The following BBS9 variants were observed in gnomAD, a reference collection of about 807,000 sequenced individuals.
BBS9 encodes the protein protein PTHB1.
In BBS9, 89 loss-of-function variants were observed where a neutral mutation model predicts 117.7. The observed-to-expected ratio is 0.76, with a 90% CI of 0.64 to 0.90. BBS9 has a LOEUF of 0.90. BBS9 is among the 40% of genes least tolerant of loss of function. The probability of loss-of-function intolerance (pLI) is 0.00; values close to 1 mark genes in which losing one functional copy is unlikely to be tolerated. For synonymous variants in BBS9, 379 were observed against 370.9 expected, an observed-to-expected ratio of 1.02 and a Z score of -0.25; for missense variants, 982 against 1,042.2, an observed-to-expected ratio of 0.94 and a Z score of 0.80.
intron 21 of BBS9, among the ~76,000 whole-genome samples, chr7:33,566,960 T>C (rs1433534743): frequency 1.3e-5 from 2 of 152,180 alleles, no homozygotes; most frequent in Non-Finnish European, 2.9e-5. Context: ...TTTCCCCAGG[T>C]TGTAAGTTTC....
At chr7:33,383,971 T>C (rs990616716) in intron 18 of BBS9, 133 bp downstream of exon 18, 3 of 960,314 alleles carry the variant, frequency 3.1e-6, no homozygotes, top group Non-Finnish European at 4.6e-6. Context: ...GGATGGTGGA[T>C]TTCGTGAATC....
intron 20 of BBS9, among the ~76,000 whole-genome samples, chr7:33,531,935 C>A (rs576635317): frequency 9.9e-5 from 15 of 152,266 alleles, no homozygotes; most frequent in African/African-American, 3.6e-4. Flanking sequence ...ACTTTAAGGC[C>A]CTGGTTTTAT....
At chr7:33,345,440 T>A (rs1346580208) in intron 12 of BBS9, among the ~76,000 whole-genome samples, 4 of 152,216 alleles carry the variant, frequency 2.6e-5, no homozygotes, top group African/African-American at 9.6e-5. Flanking sequence ...TATGGGTTGC[T>A]CTCCTTGGAG....
intron 21 of BBS9, among the ~76,000 whole-genome samples, chr7:33,604,229 A>G (rs1006050252): frequency 3.9e-5 from 6 of 152,202 alleles, no homozygotes; most frequent in Non-Finnish European, 7.3e-5. Flanking sequence ...TGGTGGATAA[A>G]GTCAAATGAG....
intron 17 of BBS9, among the ~76,000 whole-genome samples, chr7:33,375,856 G>A (rs1272838605): frequency 6.6e-6 from 1 of 151,710 alleles, no homozygotes; most frequent in Non-Finnish European, 1.5e-5. Context: ...CAAAGTGCTG[G>A]GATTACAGGT....
chr7:33,429,029 G>C (rs1834044626), intron 19 of BBS9, among the ~76,000 whole-genome samples: 1 of 152,136 alleles, frequency 6.6e-6, no homozygotes, highest in Admixed American at 6.5e-5. Flanking sequence ...TAAAGACTAG[G>C]TAAAGTCCTA....
intron 21 of BBS9, among the ~76,000 whole-genome samples, chr7:33,593,874 A>G (rs996141880): frequency 1.3e-5 from 2 of 152,174 alleles, no homozygotes; most frequent in African/African-American, 4.8e-5. Flanking sequence ...TTTTGTAAAT[A>G]GAACTCTTTT....
intron 5 of BBS9, among the ~76,000 whole-genome samples, chr7:33,231,495 G>A: frequency 7.4e-6 from 1 of 135,292 alleles, no homozygotes; most frequent in Non-Finnish European, 1.6e-5. Flanking sequence ...ATAATTTTAA[G>A]TCAGAGAGTG....
intron 19 of BBS9, among the ~76,000 whole-genome samples, chr7:33,410,350 C>G (rs951297207): frequency 6.6e-6 from 1 of 152,182 alleles, no homozygotes; most frequent in African/African-American, 2.4e-5. Context: ...TTAGCCTCAT[C>G]AGAACACTGT....
chr7:33,531,178 GA>G (rs1850523042), intron 20 of BBS9, among the ~76,000 whole-genome samples: 1 of 152,194 alleles, frequency 6.6e-6, no homozygotes, highest in African/African-American at 2.4e-5. Flanking sequence ...CTGGGAGGAG[GA>G]AGTTGCAGTG....
intron 21 of BBS9, among the ~76,000 whole-genome samples, chr7:33,568,952 G>T (rs1005145732): frequency 6.6e-6 from 1 of 152,116 alleles, no homozygotes; most frequent in Non-Finnish European, 1.5e-5. Flanking sequence ...GATAAGGAGG[G>T]TGCAATTCTT....
intron 9 of BBS9, among the ~76,000 whole-genome samples, chr7:33,287,342 C>G (rs955578009): frequency 3.9e-5 from 6 of 152,020 alleles, no homozygotes; most frequent in Non-Finnish European, 5.9e-5. Context: ...TTAGTAAATC[C>G]CCTACATCTT....
At chr7:33,135,419 A>G (rs554967917) in intron 1 of BBS9, among the ~76,000 whole-genome samples, 5 of 152,356 alleles carry the variant, frequency 3.3e-5, no homozygotes, top group South Asian at 2.1e-4. Context: ...CTATTCGGTC[A>G]TCTTAGACCC....
chr7:33,625,298 T>A (rs1865586523), intron 21 of BBS9, among the ~76,000 whole-genome samples: 1 of 152,054 alleles, frequency 6.6e-6, no homozygotes, highest in Non-Finnish European at 1.5e-5. Flanking sequence ...ATTATGAAAA[T>A]GAGCCTTTAT....
chr7:33,512,469 A>T (rs1317112882), intron 20 of BBS9, among the ~76,000 whole-genome samples: 5 of 152,358 alleles, frequency 3.3e-5, no homozygotes, highest in Admixed American at 2.6e-4. Context: ...TGCCTTTTCA[A>T]ATCCTCTGTG....
chr7:33,202,146 C>T (rs1028846210), intron 5 of BBS9, among the ~76,000 whole-genome samples: 31 of 152,196 alleles, frequency 2.0e-4, no homozygotes, highest in African/African-American at 6.7e-4. Context: ...TGGCAATGTT[C>T]GATAGGGCTC....
chr7:33,418,724 C>T (rs1832400340), intron 19 of BBS9, among the ~76,000 whole-genome samples: 1 of 152,104 alleles, frequency 6.6e-6, no homozygotes, highest in Admixed American at 6.5e-5. Flanking sequence ...AGAAGGTAAC[C>T]CTGCAGGAGA....
Position 33,139,539 on chromosome 7 carries a change from T to C in BBS9, c.-11-6703T>C, listed in dbSNP as rs147154362. ...CTTGATGCAGTATTTATATTCAAACTCCAGCTTTGTCTCTTGTGGTCACTT... is the reference window on the plus strand; with the variant it reads ...CTTGATGCAGTATTTATATTCAAACCCCAGCTTTGTCTCTTGTGGTCACTT... On this transcript the variant is annotated intron_variant, in intron 1 of 22. Transcript: ENST00000242067. Among the ~76,000 whole-genome samples the C allele has an allele frequency of 9.2e-3, 1,396 of 151,322 alleles. 12 individuals carry two copies. Among genetic ancestry groups the C allele is most frequent in the Middle Eastern group, 0.027 (8 of 294 alleles).
intron 19 of BBS9, among the ~76,000 whole-genome samples, chr7:33,405,731 C>G (rs1342481874): frequency 1.3e-5 from 2 of 152,070 alleles, no homozygotes; most frequent in African/African-American, 2.4e-5. Flanking sequence ...TGATTCTTCT[C>G]TCTTTTCTTC....
Sources: gnomAD v4.1 joint callset for allele counts (sites outside exome capture counted in the v4.1 genomes callset) on GRCh38, gnomAD v4.1.1 for gene constraint, MANE v1.5 for transcripts, NCBI Gene and HGNC (gene_info 2026-07-23, HGNC 2026-07-21) for gene names.